The following PTPRN2 variants were observed in gnomAD, a reference collection of about 807,000 sequenced individuals.
The protein encoded by PTPRN2 is protein tyrosine phosphatase receptor type N2.
Under a neutral mutation model 118.8 loss-of-function variants are expected in PTPRN2, and 74 were observed. The ratio of observed to expected loss-of-function variants is 0.62; its 90% CI spans 0.52 to 0.76. PTPRN2 has a LOEUF of 0.76. Among genes scored for constraint, PTPRN2 ranks in the 30% least tolerant of loss-of-function variants. The pLI is 0.00. For synonymous variants in PTPRN2, 641 were observed against 608.0 expected (o/e 1.05, Z -0.80); for missense variants, 1,481 against 1,394.4 (o/e 1.06, Z -0.99).
intron 2 of PTPRN2, among the ~76,000 whole-genome samples, chr7:158,334,513 TAA>T: frequency 9.1e-6 from 1 of 109,438 alleles, no homozygotes; most frequent in Non-Finnish European, 2.1e-5. Flanking sequence ...ACTCTCACCA[TAA>T]GAGGTGACAC....
intron 14 of PTPRN2, among the ~76,000 whole-genome samples, chr7:157,630,177 C>G (rs1803854264): frequency 6.6e-6 from 1 of 152,092 alleles, no homozygotes; most frequent in South Asian, 2.1e-4. Context: ...AGCAGCAAAC[C>G]CTTGATGAGA....
intron 9 of PTPRN2, among the ~76,000 whole-genome samples, chr7:158,114,937 G>T (rs539655143): frequency 1.0e-3 from 159 of 152,288 alleles, no homozygotes; most frequent in African/African-American, 3.5e-3. Flanking sequence ...CTAGAAGGAA[G>T]GGAGCCAACT....
intron 5 of PTPRN2, among the ~76,000 whole-genome samples, chr7:158,171,645 C>T (rs953480997): frequency 6.6e-6 from 1 of 151,998 alleles, no homozygotes; most frequent in African/African-American, 2.4e-5. Flanking sequence ...GCCACCATGC[C>T]CAGCCTATAC....
intron 1 of PTPRN2, among the ~76,000 whole-genome samples, chr7:158,499,499 A>C (rs189343271): frequency 6.6e-6 from 1 of 152,302 alleles, no homozygotes; most frequent in Non-Finnish European, 1.5e-5. Flanking sequence ...CCTTATACAA[A>C]TTATTTTAGG....
intron 2 of PTPRN2, among the ~76,000 whole-genome samples, chr7:158,396,394 T>C (rs532006455): frequency 8.3e-4 from 126 of 152,218 alleles, no homozygotes; most frequent in African/African-American, 2.9e-3. Flanking sequence ...CATCGTGAGG[T>C]GAAGTCTGTG....
intron 6 of PTPRN2, among the ~76,000 whole-genome samples, chr7:158,153,947 G>A (rs972638991): frequency 3.7e-4 from 56 of 152,182 alleles, no homozygotes; most frequent in South Asian, 2.1e-4. Flanking sequence ...TGGACATGGG[G>A]GGACAGAAAG....
rs1423999338 is a variant in PTPRN2, at chr7:157,611,381, GA to G, written c.2345-7307del. The stretch of plus-strand genomic sequence containing the variant: ...CTCATCTCAGGCATCTGTGTAGAAG[GA>G]ACTCCCCAGGCAGGGCTATGCGGGG... On this transcript the variant is annotated intron_variant, in intron 15 of 22. Coordinates refer to ENST00000389418, the MANE Select transcript of PTPRN2 (RefSeq NM_002847.5). The surrounding 1 kb of genome is among the most constrained non-coding windows in gnomAD (Gnocchi z 5.9). Among the ~76,000 whole-genome samples the G allele has an allele frequency of 6.6e-6, 1 of 152,030 alleles. No homozygotes were observed. The highest frequency in any genetic ancestry group is 1.5e-5 in the Non-Finnish European group (1 of 67,984).
chr7:158,443,598 C>T (rs1360507191), intron 2 of PTPRN2, among the ~76,000 whole-genome samples: 1 of 152,072 alleles, frequency 6.6e-6, no homozygotes, highest in Non-Finnish European at 1.5e-5. Context: ...GGGGGAGCAG[C>T]GTGGAGCAAA....
At chr7:158,420,535 T>C (rs1174055811) in intron 2 of PTPRN2, among the ~76,000 whole-genome samples, 1 of 152,240 alleles carries the variant, frequency 6.6e-6, no homozygotes, top group Non-Finnish European at 1.5e-5. Flanking sequence ...CTTATGTTTT[T>C]AATGAGAAGA....
rs1166945807 is a variant in PTPRN2 at position 157,986,149 on chromosome 7, C to G, written c.1724-87412G>C. Among the ~76,000 whole-genome samples the G allele has an allele frequency of 6.6e-6, 1 of 152,090 alleles. No homozygotes were observed. The highest frequency in any genetic ancestry group is 1.5e-5 in the Non-Finnish European group (1 of 68,026). On this transcript the variant is annotated intron_variant, in intron 11 of 22. Coordinates refer to ENST00000389418, the MANE Select transcript of PTPRN2 (RefSeq NM_002847.5). The surrounding 1 kb of genome is among the most constrained non-coding windows in gnomAD (Gnocchi z 4.5). ...TGAGGCAATAGCATGAGATAGATAC[C>G]CTCATCTACAGCCCCGCTCTCGTAT...
At chr7:158,259,014 G>A (rs1220098257) in intron 3 of PTPRN2, among the ~76,000 whole-genome samples, 1 of 152,140 alleles carries the variant, frequency 6.6e-6, no homozygotes. Context: ...GGAAGCAGGA[G>A]CAGGACGGGT....
chr7:158,290,071 C>A (rs1055707406), intron 3 of PTPRN2, among the ~76,000 whole-genome samples: 1 of 152,148 alleles, frequency 6.6e-6, no homozygotes, highest in Non-Finnish European at 1.5e-5. Flanking sequence ...AAGGGGCTGT[C>A]CTGGGGCTAA....
At position 158,409,537 on chromosome 7, in the gene PTPRN2, T is replaced by C. The variant is rs143557491; in HGVS notation, c.163+80198A>G. On this transcript the variant is annotated intron_variant, in intron 2 of 22. Coordinates refer to ENST00000389418, the MANE Select transcript of PTPRN2 (RefSeq NM_002847.5). ...GGCTGCCTTCTGAAGCTGGTTTCCA[T>C]GTTATGAACATGCCTGAAAAGGACC... Among the ~76,000 whole-genome samples the C allele has an allele frequency of 3.0e-3, 450 of 152,326 alleles. 2 individuals are homozygous for C. The highest frequency in any genetic ancestry group is 5.0e-3 in the Non-Finnish European group (342 of 68,032).
At chr7:158,299,146 C>T (rs1450809943) in intron 3 of PTPRN2, among the ~76,000 whole-genome samples, 2 of 152,140 alleles carry the variant, frequency 1.3e-5, no homozygotes, top group African/African-American at 2.4e-5. Flanking sequence ...TGACACTAAT[C>T]AATGCTTTTT....
chr7:157,771,474 C>T (rs116853677), intron 12 of PTPRN2, among the ~76,000 whole-genome samples: 2,086 of 152,338 alleles, frequency 0.014, 20 homozygotes, highest in Non-Finnish European at 0.022. Flanking sequence ...CACCTCTTTG[C>T]CAACTCAATT....
In PTPRN2 at chr7:157,942,172, G is replaced by A. The variant is rs10251686; in HGVS notation, c.1724-43435C>T. Reference sequence around the variant, plus strand: ...CCTCGGCCCACCCTCCACACACAGGGGTCCTCGGCCCACCCTCCACACACA... The same window carrying A: ...CCTCGGCCCACCCTCCACACACAGGAGTCCTCGGCCCACCCTCCACACACA... On this transcript the variant is annotated intron_variant, in intron 11 of 22. Coordinates refer to ENST00000389418, the MANE Select transcript of PTPRN2 (RefSeq NM_002847.5). 6.2e-3 allele frequency among the ~76,000 whole-genome samples: 212 copies of A among 34,024 alleles called. 3 individuals are homozygous for A. The highest frequency in any genetic ancestry group is 0.052 in the Middle Eastern group (3 of 58). 22.3% of individuals were successfully genotyped at this position (34,024 alleles called of 152,430 possible).
intron 21 of PTPRN2, among the ~76,000 whole-genome samples, chr7:157,552,860 G>T (rs899255714): frequency 6.6e-6 from 1 of 152,188 alleles, no homozygotes; most frequent in African/African-American, 2.4e-5. Flanking sequence ...ACCTCTGGAG[G>T]GGCTTTCCTC....
At chr7:157,856,832 CT>C (rs974970703) in intron 12 of PTPRN2, among the ~76,000 whole-genome samples, 4 of 152,100 alleles carry the variant, frequency 2.6e-5, no homozygotes, top group African/African-American at 4.8e-5. Flanking sequence ...ATTTTTAAAA[CT>C]TTTTTTGACC....
intron 2 of PTPRN2, among the ~76,000 whole-genome samples, chr7:158,449,677 C>T (rs1260567283): frequency 6.6e-6 from 1 of 152,190 alleles, no homozygotes; most frequent in African/African-American, 2.4e-5. Flanking sequence ...TTAGTGATTT[C>T]CAAACTCATG....
Sources: allele counts gnomAD v4.1 joint callset (sites outside exome capture counted in the v4.1 genomes callset), GRCh38; gene constraint gnomAD v4.1.1; non-coding constraint Gnocchi (gnomAD v3.1); transcripts MANE v1.5; gene names NCBI Gene and HGNC (gene_info 2026-07-23, HGNC 2026-07-21).